The following PITPNC1 variants were observed in gnomAD, a reference collection of about 807,000 sequenced individuals.
PITPNC1 encodes the protein cytoplasmic phosphatidylinositol transfer protein 1.
Under a neutral mutation model 44.7 loss-of-function variants are expected in PITPNC1, and 18 were observed. That is an observed-to-expected ratio of 0.40 (90% CI 0.28 to 0.60). PITPNC1 has a LOEUF of 0.60. Ranked by LOEUF, PITPNC1 falls within the 20% of genes least tolerant of loss-of-function variation. The pLI is 0.39. For missense variants in PITPNC1, 290 were observed against 418.4 expected (o/e 0.69, Z 2.68); for synonymous variants, 141 against 149.6 (o/e 0.94, Z 0.42).
chr17:67,654,042 C>T (rs1488618304), intron 6 of PITPNC1, among the ~76,000 whole-genome samples: 1 of 152,208 alleles, frequency 6.6e-6, no homozygotes, highest in Non-Finnish European at 1.5e-5. Context: ...CAGGTGAAAT[C>T]GCCTAAGGGA....
chr17:67,577,623 T>A (rs895087653), intron 4 of PITPNC1, among the ~76,000 whole-genome samples: 7 of 150,920 alleles, frequency 4.6e-5, no homozygotes, highest in South Asian at 4.2e-4. Context: ...AAAATAAATT[T>A]AAAAATTTTT....
At chr17:67,614,698 A>G (rs908364657) in intron 5 of PITPNC1, among the ~76,000 whole-genome samples, 2 of 150,626 alleles carry the variant, frequency 1.3e-5, no homozygotes, top group Admixed American at 6.6e-5. Context: ...AATATATAAA[A>G]TAAATAAAAA....
At chr17:67,644,229 G>A (rs925926168) in intron 6 of PITPNC1, among the ~76,000 whole-genome samples, 5 of 152,114 alleles carry the variant, frequency 3.3e-5, no homozygotes, top group South Asian at 2.1e-4. Flanking sequence ...CTGCAGTGCC[G>A]GGATGGTACC....
chr17:67,459,546 C>G (rs996219340), intron 1 of PITPNC1: 1 of 152,228 alleles, frequency 6.6e-6, no homozygotes, highest in Non-Finnish European at 1.5e-5. Context: ...CACACACTTT[C>G]ACTCTGTTTT....
At chr17:67,434,517 G>T (rs1482409062) in intron 1 of PITPNC1, among the ~76,000 whole-genome samples, 2 of 152,166 alleles carry the variant, frequency 1.3e-5, no homozygotes, top group African/African-American at 4.8e-5. Context: ...TGCTTTAGAA[G>T]CCCGGAGCTC....
At chr17:67,608,558 T>C (rs891554793) in intron 5 of PITPNC1, among the ~76,000 whole-genome samples, 5 of 151,356 alleles carry the variant, frequency 3.3e-5, no homozygotes, top group African/African-American at 1.2e-4. Context: ...TGGTGCGATC[T>C]GAGCTCACTG....
chr17:67,477,653 C>T lies in PITPNC1; in HGVS notation c.49-55149C>T, dbSNP rs1297393640. Among the ~76,000 whole-genome samples the T allele has an allele frequency of 2.0e-5, 3 of 152,164 alleles. No individual in the cohort carries two copies. In the South Asian group the frequency reaches 6.2e-4, roughly 32 times the overall value. On this transcript the variant is annotated intron_variant, in intron 1 of 8. Coordinates refer to ENST00000581322, the MANE Select transcript of PITPNC1 (RefSeq NM_012417.4). ...GGCCTTAAGTGATCCTCCACCTCAG[C>T]CCCCCAAAGTACTTGGATTACAGAT...
At chr17:67,541,450 A>G (rs2040606438) in intron 2 of PITPNC1, among the ~76,000 whole-genome samples, 1 of 137,882 alleles carries the variant, frequency 7.3e-6, no homozygotes, top group African/African-American at 2.8e-5. Flanking sequence ...TGACAATTCA[A>G]TATGAAGCAA....
At chr17:67,450,936 C>T (rs1435890345) in intron 1 of PITPNC1, among the ~76,000 whole-genome samples, 1 of 152,198 alleles carries the variant, frequency 6.6e-6, no homozygotes, top group Non-Finnish European at 1.5e-5. Context: ...CTAGGTACCT[C>T]ATAAAAGTAG....
chr17:67,549,741 G>T (rs2040733130), intron 2 of PITPNC1, among the ~76,000 whole-genome samples: 1 of 152,124 alleles, frequency 6.6e-6, no homozygotes, highest in African/African-American at 2.4e-5. Context: ...ATTTGAGGAG[G>T]GGTGCAATGT....
intron 4 of PITPNC1, among the ~76,000 whole-genome samples, chr17:67,557,738 A>G (rs2040857946): frequency 6.6e-6 from 1 of 152,170 alleles, no homozygotes; most frequent in African/African-American, 2.4e-5. Flanking sequence ...GACTCTGACT[A>G]CAGAGTCTGC....
chr17:67,665,177 CA>C (rs1258182819), intron 6 of PITPNC1, among the ~76,000 whole-genome samples: 11 of 152,112 alleles, frequency 7.2e-5, no homozygotes. Flanking sequence ...AATGCAGCCT[CA>C]ATTTCCTGGG....
intron 6 of PITPNC1, among the ~76,000 whole-genome samples, chr17:67,642,005 T>C (rs922504702): frequency 2.0e-5 from 3 of 151,934 alleles, no homozygotes; most frequent in African/African-American, 7.3e-5. Flanking sequence ...TGGGTTGAGA[T>C]TTTCCTAGAT....
chr17:67,379,108 T>G, intron 1 of PITPNC1: 1 of 986,046 alleles, frequency 1.0e-6, no homozygotes, highest in Non-Finnish European at 1.2e-6. Context: ...TTTGTGGTGA[T>G]TCCACGACTG....
At chr17:67,635,221 G>A (rs1203950183) in intron 6 of PITPNC1, among the ~76,000 whole-genome samples, 2 of 152,198 alleles carry the variant, frequency 1.3e-5, no homozygotes, top group African/African-American at 2.4e-5. Context: ...GATTTATATT[G>A]TCGGTTACTT....
intron 6 of PITPNC1, among the ~76,000 whole-genome samples, chr17:67,665,671 A>G (rs2042411553): frequency 6.6e-6 from 1 of 152,160 alleles, no homozygotes; most frequent in African/African-American, 2.4e-5. Context: ...TCCCAGCCAC[A>G]TGTGTGTGAT....
chr17:67,544,308 CAT>C (rs761166980), intron 2 of PITPNC1, among the ~76,000 whole-genome samples: 3 of 151,588 alleles, frequency 2.0e-5, no homozygotes, highest in Non-Finnish European at 2.9e-5. Flanking sequence ...CACCCAGAAA[CAT>C]ATGAAGGTGG....
intron 4 of PITPNC1, among the ~76,000 whole-genome samples, chr17:67,570,680 T>C (rs1448671261): frequency 1.3e-5 from 2 of 152,196 alleles, no homozygotes. Flanking sequence ...ATGAGGAAAC[T>C]GAAGCTCAGA....
At chr17:67,551,803 G>T (rs942072853) in intron 2 of PITPNC1, among the ~76,000 whole-genome samples, 5 of 152,162 alleles carry the variant, frequency 3.3e-5, no homozygotes, top group Non-Finnish European at 7.3e-5. Context: ...CTCTCTGTTG[G>T]TTTTGTCCAT....
Sources: allele counts gnomAD v4.1 joint callset (sites outside exome capture counted in the v4.1 genomes callset), GRCh38; gene constraint gnomAD v4.1.1; transcripts MANE v1.5; gene names NCBI Gene and HGNC (gene_info 2026-07-23, HGNC 2026-07-21).